The following ATP11A variants were observed in gnomAD, a reference collection of about 807,000 sequenced individuals.
The protein encoded by ATP11A is phospholipid-transporting ATPase IH.
Under a neutral mutation model 154.4 loss-of-function variants are expected in ATP11A, and 81 were observed. That is an observed-to-expected ratio of 0.52 (90% CI 0.44 to 0.63). ATP11A has a LOEUF of 0.63. ATP11A is among the 30% of genes least tolerant of loss of function. The probability of loss-of-function intolerance (pLI) is 0.00; values close to 1 mark genes in which losing one functional copy is unlikely to be tolerated. For missense variants in ATP11A, 1,316 were observed against 1,474.3 expected (o/e 0.89, Z 1.76); for synonymous variants, 623 against 585.9 (o/e 1.06, Z -0.91).
intron 1 of ATP11A, among the ~76,000 whole-genome samples, chr13:112,751,078 G>T (rs1296293069): frequency 6.6e-6 from 1 of 152,222 alleles, no homozygotes; most frequent in African/African-American, 2.4e-5. Flanking sequence ...GGGCCGCAGG[G>T]TCTCTCTGCT....
At chr13:112,867,024 T>C (rs1177860673) in intron 25 of ATP11A, among the ~76,000 whole-genome samples, 1 of 148,302 alleles carries the variant, frequency 6.7e-6, no homozygotes, top group African/African-American at 2.5e-5. Flanking sequence ...TGAGATTTTC[T>C]TCCGAGTTGG....
In ATP11A at chr13:112,846,133, G is replaced by T. The variant is rs1466623818; in HGVS notation, c.1809+3754G>T. 3.3e-5 allele frequency among the ~76,000 whole-genome samples: 5 copies of T among 152,176 alleles called. No homozygotes were observed. In the East Asian group the frequency reaches 7.7e-4, roughly 23 times the overall value. Reference sequence around the variant, plus strand: ...CTTTTGAGGTGTTTCGTGATGGGATGCCTTGGTGGAGTGATGCTGTGTTTC... The same window carrying T: ...CTTTTGAGGTGTTTCGTGATGGGATTCCTTGGTGGAGTGATGCTGTGTTTC... On this transcript the variant is annotated intron_variant, in intron 17 of 29. Coordinates refer to ENST00000375645, the MANE Select transcript of ATP11A (RefSeq NM_015205.3).
chr13:112,691,311 A>G (rs1335601744), intron 1 of ATP11A, among the ~76,000 whole-genome samples: 1 of 151,680 alleles, frequency 6.6e-6, no homozygotes, highest in Non-Finnish European at 1.5e-5. Context: ...AAAAAATACG[A>G]AAATTAGCCG....
At position 112,754,864 on chromosome 13, in the gene ATP11A, G is replaced by A. The variant is rs2076780264; in HGVS notation, c.40-30271G>A. On this transcript the variant is annotated intron_variant, in intron 1 of 29. Coordinates refer to ENST00000375645, the MANE Select transcript of ATP11A (RefSeq NM_015205.3). This position sits in a 1 kb window ranked among gnomAD's most constrained non-coding sequence, Gnocchi z 5.3. ...TGTCCATGGAGCTCCGGGAATGCTGGCCCGGCCCCACTGCAGGGCTTCCCC... is the reference window on the plus strand; with the variant it reads ...TGTCCATGGAGCTCCGGGAATGCTGACCCGGCCCCACTGCAGGGCTTCCCC... Among the ~76,000 whole-genome samples the A allele has an allele frequency of 6.6e-6, 1 of 152,178 alleles. No homozygotes were observed. The highest frequency in any genetic ancestry group is 2.4e-5 in the African/African-American group (1 of 41,444).
At chr13:112,788,819 A>G (rs1000587890) in intron 2 of ATP11A, among the ~76,000 whole-genome samples, 6 of 125,552 alleles carry the variant, frequency 4.8e-5, no homozygotes, top group Non-Finnish European at 1.0e-4. Context: ...CACACCCAGC[A>G]TCCTGACCTG....
chr13:112,788,669 C>G (rs745417700), intron 2 of ATP11A, among the ~76,000 whole-genome samples: 48 of 151,012 alleles, frequency 3.2e-4, no homozygotes, highest in Non-Finnish European at 6.1e-4. Context: ...TTAATTCACA[C>G]CGGGTGTCCT....
At position 112,807,679 on chromosome 13, in the gene ATP11A, G is replaced by A. The variant is rs1282199739; in HGVS notation, c.333+1386G>A. On this transcript the variant is annotated intron_variant, in intron 4 of 29. Transcript: ENST00000375645. The surrounding 1 kb of genome is among the most constrained non-coding windows in gnomAD (Gnocchi z 4.5). ...GGTGCTGAAGGAAACGATGTTACTC[G>A]GGGACCTGCCATGTGTCCTCGGGCC... Among the ~76,000 whole-genome samples, 2 of 152,150 alleles carry A rather than the reference G, an allele frequency of 1.3e-5. No homozygotes were observed. The highest frequency in any genetic ancestry group is 2.4e-5 in the African/African-American group (1 of 41,422).
rs1220030827 is a variant in ATP11A at position 112,883,393 on chromosome 13, G to T, written c.*1527G>T. On this transcript the variant is annotated 3_prime_UTR_variant, in exon 30 of 30. Transcript: ENST00000375645. ...CAGACGCTGAAACTGCTGCCTTTCA[G>T]GAAAGCACCACCAACGCTGGAGGAG... 2 of 392,042 alleles carry T rather than the reference G, an allele frequency of 5.1e-6. No homozygotes were observed. The highest frequency in any genetic ancestry group is 8.9e-5 in the Admixed American group (2 of 22,504). 24.3% of individuals were successfully genotyped at this position (392,042 alleles called of 1,614,324 possible).
At chr13:112,864,790 T>A (rs78771801) in intron 25 of ATP11A, among the ~76,000 whole-genome samples, 1 of 20,398 alleles carries the variant, frequency 4.9e-5, no homozygotes. Flanking sequence ...ATGCAGCTTC[T>A]CAGCGGGGTC....
chr13:112,749,177 T>C (rs566498949), intron 1 of ATP11A, among the ~76,000 whole-genome samples: 1 of 152,248 alleles, frequency 6.6e-6, no homozygotes, highest in African/African-American at 2.4e-5. Flanking sequence ...TGCGCCTCCA[T>C]CTCCGCACAG....
intron 8 of ATP11A, among the ~76,000 whole-genome samples, chr13:112,822,953 G>A (rs1329176499): frequency 6.6e-6 from 1 of 152,132 alleles, no homozygotes; most frequent in Non-Finnish European, 1.5e-5. Flanking sequence ...TGACTAGTGT[G>A]ATGGTTCCTG....
At position 112,824,666 on chromosome 13, in the gene ATP11A, G is replaced by A. The variant is rs575674394; in HGVS notation, c.872+241G>A. On this transcript the variant is annotated intron_variant, in intron 10 of 29. Coordinates refer to ENST00000375645, the MANE Select transcript of ATP11A (RefSeq NM_015205.3). ...GTTCACAGCGCTGCCTCTTACGGAC[G>A]CCCTGACGTTCCGGTTCTGAAATCA... is the stretch of plus-strand genomic sequence containing the variant. 5.9e-5 allele frequency among the ~76,000 whole-genome samples: 9 copies of A among 152,182 alleles called. 1 individual carries two copies. The South Asian group carries it at 1.7e-3, about 28-fold the overall frequency.
chr13:112,743,109 T>A (rs1891727095), intron 1 of ATP11A, among the ~76,000 whole-genome samples: 1 of 152,180 alleles, frequency 6.6e-6, no homozygotes, highest in Non-Finnish European at 1.5e-5. Context: ...CTGGGGAAGA[T>A]TCAGACTGGC....
At chr13:112,820,026 G>A (rs2078755342) in intron 8 of ATP11A, 76 bp downstream of exon 8, 7 of 1,397,158 alleles carry the variant, frequency 5.0e-6, no homozygotes, top group Non-Finnish European at 6.7e-6. Flanking sequence ...GACGGACAAG[G>A]GTTTCCACGG....
chr13:112,702,290 G>A (rs925006414), intron 1 of ATP11A, among the ~76,000 whole-genome samples: 4 of 146,798 alleles, frequency 2.7e-5, no homozygotes, highest in Non-Finnish European at 4.5e-5. Context: ...AGGTTGCAGT[G>A]AGCCGAGATC....
intron 1 of ATP11A, among the ~76,000 whole-genome samples, chr13:112,708,039 C>T (rs187898854): frequency 5.9e-5 from 9 of 152,300 alleles, no homozygotes; most frequent in Admixed American, 3.3e-4. Context: ...AAAGCCCAAC[C>T]GCACGTCACG....
chr13:112,773,806 T>G (rs2077281836), intron 1 of ATP11A, among the ~76,000 whole-genome samples: 2 of 152,252 alleles, frequency 1.3e-5, no homozygotes, highest in Admixed American at 1.3e-4. Flanking sequence ...TCTGCGTCTG[T>G]GGGTGACGCG....
intron 1 of ATP11A, among the ~76,000 whole-genome samples, chr13:112,744,265 G>A (rs1389876610): frequency 3.3e-5 from 5 of 150,754 alleles, no homozygotes; most frequent in South Asian, 2.1e-4. Flanking sequence ...CTGTCCTCCC[G>A]GCACCCGGCT....
intron 15 of ATP11A, 89 bp from the exon 16 acceptor site, chr13:112,836,089 C>T: frequency 3.2e-6 from 3 of 948,252 alleles, no homozygotes; most frequent in Non-Finnish European, 4.9e-6. Context: ...GCTGCCCCAG[C>T]CATTCTGCTG....
Sources: gnomAD v4.1 joint callset for allele counts (sites outside exome capture counted in the v4.1 genomes callset) on GRCh38, gnomAD v4.1.1 for gene constraint, Gnocchi (gnomAD v3.1) non-coding constraint, MANE v1.5 for transcripts, NCBI Gene and HGNC (gene_info 2026-07-23, HGNC 2026-07-21) for gene names.